The following CSMD3 variants were observed in gnomAD, a reference collection of about 807,000 sequenced individuals.
CSMD3 encodes the protein CUB and Sushi multiple domains 3, also known as CUB and sushi domain-containing protein 3.
A neutral mutation model predicts 435.2 loss-of-function variants in CSMD3; 177 were observed. The observed-to-expected ratio is 0.41, with a 90% CI of 0.36 to 0.46. CSMD3 has a LOEUF of 0.46. CSMD3 is among the 20% of genes least tolerant of loss of function. CSMD3 has a pLI of 0.34. For synonymous variants in CSMD3, 1,656 were observed against 1,520.5 expected (o/e 1.09, Z -2.07); for missense variants, 4,265 against 4,504.6 (o/e 0.95, Z 1.52).
chr8:112,886,852 T>C (rs1336008824), intron 10 of CSMD3, among the ~76,000 whole-genome samples: 1 of 151,640 alleles, frequency 6.6e-6, no homozygotes, highest in Non-Finnish European at 1.5e-5. Flanking sequence ...ACAATGTAAA[T>C]GCTATATAAA....
In CSMD3 at chr8:112,310,927, G is replaced by A. The variant is rs760137398; in HGVS notation, c.7885+51C>T. On this transcript the variant is annotated intron_variant, in intron 50 of 70. Coordinates refer to ENST00000297405, the MANE Select transcript of CSMD3 (RefSeq NM_198123.2). The stretch of plus-strand genomic sequence containing the variant: ...GTGATCCAAATAAAAACGTTAAATG[G>A]TGCTAATCTCACATTCATGTTTTTG... 2.8e-5 allele frequency: 41 copies of A among 1,453,756 alleles called. No individual in the cohort carries two copies. The South Asian group carries it at 4.3e-4, about 15-fold the overall frequency. The allele number at this position is 1,453,756 out of a possible 1,614,324, so 90.1% of individuals were successfully genotyped here.
At chr8:112,594,397 C>T (rs1189722039) in intron 22 of CSMD3, among the ~76,000 whole-genome samples, 1 of 152,114 alleles carries the variant, frequency 6.6e-6, no homozygotes, top group African/African-American at 2.4e-5. Flanking sequence ...ATTGCTAGCA[C>T]AGCAGTCTGA....
chr8:113,267,046 A>G (rs2093477369), intron 3 of CSMD3, among the ~76,000 whole-genome samples: 1 of 151,730 alleles, frequency 6.6e-6, no homozygotes, highest in Non-Finnish European at 1.5e-5. Flanking sequence ...GAAAATTCCA[A>G]TGAGATATCA....
chr8:112,764,959 A>T (rs1303078788), intron 13 of CSMD3, among the ~76,000 whole-genome samples: 1 of 151,564 alleles, frequency 6.6e-6, no homozygotes, highest in Non-Finnish European at 1.5e-5. Flanking sequence ...AGGAAGGGAG[A>T]TATAAAGTAG....
At chr8:113,341,655 TG>T (rs1207423398) in intron 1 of CSMD3, among the ~76,000 whole-genome samples, 1 of 152,084 alleles carries the variant, frequency 6.6e-6, no homozygotes, top group Non-Finnish European at 1.5e-5. Context: ...AAATAAAAAA[TG>T]TTCAAATTTG....
At chr8:113,236,549 CT>C (rs907306533) in intron 3 of CSMD3, among the ~76,000 whole-genome samples, 19 of 151,428 alleles carry the variant, frequency 1.3e-4, no homozygotes, top group South Asian at 1.0e-3. Flanking sequence ...ATGTAACACC[CT>C]TTTTTTTTCC....
chr8:112,855,620 T>C (rs972517537), intron 11 of CSMD3, among the ~76,000 whole-genome samples: 2 of 151,940 alleles, frequency 1.3e-5, no homozygotes, highest in African/African-American at 4.8e-5. Context: ...TGACAGATGA[T>C]AGATGAATGA....
At chr8:112,597,980 C>T (rs2131399672) in intron 22 of CSMD3, among the ~76,000 whole-genome samples, 1 of 146,252 alleles carries the variant, frequency 6.8e-6, no homozygotes, top group East Asian at 2.0e-4. Context: ...TCCTCTCTCA[C>T]CACTCCTATT....
chr8:112,244,347 A>G (rs1814479945), intron 65 of CSMD3, 47 bp downstream of exon 65: 2 of 1,477,858 alleles, frequency 1.4e-6, no homozygotes, highest in African/African-American at 2.8e-5. Context: ...AAAGGAAAGC[A>G]ATAGTGCAAT....
chr8:112,813,296 G>C (rs540159940), intron 12 of CSMD3, among the ~76,000 whole-genome samples: 1 of 152,172 alleles, frequency 6.6e-6, no homozygotes, highest in Non-Finnish European at 1.5e-5. Flanking sequence ...CAGGAAATAC[G>C]TGGGGCAATA....
At chr8:112,938,494 G>A (rs182804972) in intron 9 of CSMD3, among the ~76,000 whole-genome samples, 63 of 152,250 alleles carry the variant, frequency 4.1e-4, no homozygotes, top group African/African-American at 1.4e-3. Context: ...TTCATTTGAA[G>A]GATAGGTTTC....
At chr8:112,569,101 C>T (rs1212299426) in intron 24 of CSMD3, among the ~76,000 whole-genome samples, 3 of 152,296 alleles carry the variant, frequency 2.0e-5, no homozygotes, top group Admixed American at 2.0e-4. Context: ...GGGTATCTTA[C>T]AGGGATTCCC....
At chr8:113,007,121 C>T (rs1179422217) in intron 6 of CSMD3, among the ~76,000 whole-genome samples, 1 of 151,932 alleles carries the variant, frequency 6.6e-6, no homozygotes, top group Non-Finnish European at 1.5e-5. Context: ...TATAGGCTTC[C>T]TCTGGACGAC....
intron 6 of CSMD3, among the ~76,000 whole-genome samples, chr8:112,995,237 G>A (rs1389019150): frequency 6.6e-6 from 1 of 151,444 alleles, no homozygotes; most frequent in Non-Finnish European, 1.5e-5. Context: ...GAGTGACATA[G>A]GCAACTGTGA....
At chr8:112,876,663 G>C (rs1487171214) in intron 10 of CSMD3, among the ~76,000 whole-genome samples, 1 of 151,644 alleles carries the variant, frequency 6.6e-6, no homozygotes, top group African/African-American at 2.4e-5. Flanking sequence ...CAATAAACTA[G>C]GTATGCTGGA....
At chr8:113,051,453 A>G (rs1460178385) in intron 5 of CSMD3, among the ~76,000 whole-genome samples, 3 of 152,112 alleles carry the variant, frequency 2.0e-5, no homozygotes, top group Non-Finnish European at 2.9e-5. Context: ...ACAGATTTTT[A>G]TGTTTAATAA....
chr8:112,984,619 C>T (rs897400979), intron 6 of CSMD3, among the ~76,000 whole-genome samples: 4 of 152,040 alleles, frequency 2.6e-5, no homozygotes, highest in Non-Finnish European at 5.9e-5. Context: ...ACAGATAAGT[C>T]TGTTGCTTAA....
Position 112,796,203 on chromosome 8 carries a change from A to T in CSMD3, c.1972+3959T>A, listed in dbSNP as rs143165437. 7.9e-3 allele frequency among the ~76,000 whole-genome samples: 1,196 copies of T among 152,192 alleles called. 15 individuals are homozygous for T. Among genetic ancestry groups the T allele is most frequent in the African/African-American group, 0.027 (1,138 of 41,554 alleles). On this transcript the variant is annotated intron_variant, in intron 13 of 70. Transcript: ENST00000297405. Reference sequence around the variant, plus strand: ...GGATATAATATTGCATAATGGAAAAAAGAATGAAGTCAGTAAACTCAGAGT... The same window carrying T: ...GGATATAATATTGCATAATGGAAAATAGAATGAAGTCAGTAAACTCAGAGT...
At chr8:112,301,021 G>C (rs934476013) in intron 53 of CSMD3, among the ~76,000 whole-genome samples, 1 of 151,966 alleles carries the variant, frequency 6.6e-6, no homozygotes, top group African/African-American at 2.4e-5. Context: ...ACTTCCAACA[G>C]ATAAGTGAAT....
Sources: gnomAD v4.1 joint callset for allele counts (sites outside exome capture counted in the v4.1 genomes callset) on GRCh38, gnomAD v4.1.1 for gene constraint, MANE v1.5 for transcripts, NCBI Gene and HGNC (gene_info 2026-07-23, HGNC 2026-07-21) for gene names.